Variants in PARD3B observed in about 807,000 individuals in gnomAD.
PARD3B encodes partitioning defective 3 homolog B.
PARD3B carries 103 observed loss-of-function variants against 130.2 expected under a neutral mutation model. The ratio of observed to expected loss-of-function variants is 0.79; its 90% CI spans 0.67 to 0.93. The LOEUF is 0.93. Ranked by LOEUF, PARD3B falls within the 40% of genes least tolerant of loss-of-function variation. PARD3B has a pLI of 0.00. For synonymous variants in PARD3B, 583 were observed against 553.2 expected (o/e 1.05, Z -0.76); for missense variants, 1,609 against 1,499.2 (o/e 1.07, Z -1.21).
intron 3 of PARD3B, among the ~76,000 whole-genome samples, chr2:204,992,829 T>A (rs1402872846): frequency 7.0e-6 from 1 of 143,620 alleles, no homozygotes; most frequent in Admixed American, 7.1e-5. Context: ...TATTTTATTC[T>A]CTTTGAAGCA....
At chr2:205,061,302 A>G (rs1239420969) in intron 4 of PARD3B, among the ~76,000 whole-genome samples, 3 of 152,120 alleles carry the variant, frequency 2.0e-5, no homozygotes, top group Non-Finnish European at 2.9e-5. Context: ...GAACCATGAG[A>G]TGTGGAAGGC....
intron 18 of PARD3B, among the ~76,000 whole-genome samples, chr2:205,359,554 T>C (rs1019066692): frequency 6.6e-6 from 1 of 152,220 alleles, no homozygotes; most frequent in Non-Finnish European, 1.5e-5. Context: ...TCCCCTTTAA[T>C]CCTTAATCTA....
chr2:205,524,044 ATATTGATGAAGGAG>A (rs2051221887), intron 21 of PARD3B, among the ~76,000 whole-genome samples: 1 of 151,932 alleles, frequency 6.6e-6, no homozygotes, highest in African/African-American at 2.4e-5. Flanking sequence ...TAGGTTTTTA[ATATTGATGAAGGAG>A]AAATCTGAGG....
At chr2:205,537,719 C>G (rs745422996) in intron 21 of PARD3B, among the ~76,000 whole-genome samples, 1 of 152,314 alleles carries the variant, frequency 6.6e-6, no homozygotes, top group African/African-American at 2.4e-5. Context: ...CTGTCATTCT[C>G]TCCTCATCCA....
intron 3 of PARD3B, among the ~76,000 whole-genome samples, chr2:204,992,204 G>A (rs1575499771): frequency 1.4e-5 from 2 of 146,340 alleles, no homozygotes; most frequent in Non-Finnish European, 3.0e-5. Flanking sequence ...GGTTTTTATG[G>A]TTTTAGGTCT....
intron 10 of PARD3B, among the ~76,000 whole-genome samples, chr2:205,133,077 A>G (rs1034279517): frequency 6.6e-6 from 1 of 152,268 alleles, no homozygotes; most frequent in East Asian, 1.9e-4. Context: ...AAAAAAATAT[A>G]TGCAGGGATT....
At chr2:205,302,489 A>G (rs1373357850) in intron 18 of PARD3B, among the ~76,000 whole-genome samples, 1 of 152,202 alleles carries the variant, frequency 6.6e-6, no homozygotes, top group African/African-American at 2.4e-5. Context: ...TGATTACACC[A>G]TAAAAGAAAG....
At position 204,923,877 on chromosome 2, in the gene PARD3B, T is replaced by A. The variant is rs185602804; in HGVS notation, c.223-41275T>A. 3.9e-5 allele frequency among the ~76,000 whole-genome samples: 6 copies of A among 152,194 alleles called. No homozygotes were observed. The East Asian group carries it at 1.2e-3, about 29-fold the overall frequency. On this transcript the variant is annotated intron_variant, in intron 2 of 22. Transcript: ENST00000406610. ...AAATTATAGTCAATTTCAGTTGCAG[T>A]ATGTTAAATTGGAAGTCAAATTTTA...
rs578191644 is a variant in PARD3B at position 204,879,922 on chromosome 2, C to G, written c.223-85230C>G. 3.9e-5 allele frequency among the ~76,000 whole-genome samples: 6 copies of G among 152,298 alleles called. No homozygotes were observed. In the South Asian group the frequency reaches 1.0e-3, roughly 26 times the overall value. On this transcript the variant is annotated intron_variant, in intron 2 of 22. Coordinates refer to ENST00000406610, the MANE Select transcript of PARD3B (RefSeq NM_001302769.2). Reference sequence around the variant, plus strand: ...CAGAAGTCAAGTGCCAGAGACCAGTCAGATTGAAATAGACTCTAACTGATG... The same window carrying G: ...CAGAAGTCAAGTGCCAGAGACCAGTGAGATTGAAATAGACTCTAACTGATG...
chr2:204,897,640 T>A (rs2046689756), intron 2 of PARD3B, among the ~76,000 whole-genome samples: 1 of 152,070 alleles, frequency 6.6e-6, no homozygotes, highest in South Asian at 2.1e-4. Context: ...AGTGATACAG[T>A]CAAGATACAG....
intron 1 of PARD3B, among the ~76,000 whole-genome samples, chr2:204,680,192 C>G (rs1342976522): frequency 6.6e-6 from 1 of 151,944 alleles, no homozygotes; most frequent in Non-Finnish European, 1.5e-5. Context: ...GTCATCTGAG[C>G]TTGGAATTTT....
chr2:204,847,539 T>C (rs1339850127), intron 2 of PARD3B, among the ~76,000 whole-genome samples: 1 of 152,156 alleles, frequency 6.6e-6, no homozygotes, highest in East Asian at 1.9e-4. Flanking sequence ...TTCATATGTT[T>C]CAAGTTGCAT....
Position 205,235,505 on chromosome 2 carries a change from C to T in PARD3B, c.2141-10273C>T, listed in dbSNP as rs115676166. ...TATGCCCCAGGACCCCCAGTGGATG[C>T]CTGAAACTGAGTATAGTTCTGAACC... On this transcript the variant is annotated intron_variant, in intron 15 of 22. Transcript: ENST00000406610. Among the ~76,000 whole-genome samples, 1,067 of 152,172 alleles carry T rather than the reference C, an allele frequency of 7.0e-3. 15 individuals carry two copies. The highest frequency in any genetic ancestry group is 0.024 in the African/African-American group (1,011 of 41,510).
At chr2:204,960,907 G>T (rs1296763116) in intron 2 of PARD3B, among the ~76,000 whole-genome samples, 1 of 152,204 alleles carries the variant, frequency 6.6e-6, no homozygotes, top group African/African-American at 2.4e-5. Flanking sequence ...CCAGAGAAAG[G>T]CTGGCATTTG....
chr2:205,567,497 T>TTTTTG (rs1415659508), intron 22 of PARD3B, among the ~76,000 whole-genome samples: 6 of 140,274 alleles, frequency 4.3e-5, no homozygotes, highest in South Asian at 2.3e-4. Flanking sequence ...TTTTTTTTTG[T>TTTTTG]ATTTTTAGTG....
In PARD3B at chr2:205,563,687, G is replaced by A. The variant is rs974899691; in HGVS notation, c.3260+10284G>A. 6.6e-6 allele frequency among the ~76,000 whole-genome samples: 1 copy of A among 151,912 alleles called. No individual in the cohort carries two copies. The highest frequency in any genetic ancestry group is 1.5e-5 in the Non-Finnish European group (1 of 67,984). On this transcript the variant is annotated intron_variant, in intron 22 of 22. Transcript: ENST00000406610. This position sits in a 1 kb window ranked among gnomAD's most constrained non-coding sequence, Gnocchi z 4.2. ...AGTAATAAAATACAAGAAAATAGTA[G>A]GGAATTTATGGGAAATAAAGAAAAA...
intron 2 of PARD3B, among the ~76,000 whole-genome samples, chr2:204,757,690 G>A (rs866126032): frequency 2.0e-5 from 3 of 152,034 alleles, no homozygotes; most frequent in Non-Finnish European, 2.9e-5. Context: ...TGAAACTAGC[G>A]ATTTTAAAAC....
intron 13 of PARD3B, among the ~76,000 whole-genome samples, chr2:205,177,955 T>A (rs1335198806): frequency 6.6e-6 from 1 of 151,864 alleles, no homozygotes; most frequent in African/African-American, 2.4e-5. Flanking sequence ...TGGGTCTGAC[T>A]TATATTGGTC....
rs538172605 is a variant in PARD3B, at chr2:204,641,460, C to A, written c.121-44721C>A. On this transcript the variant is annotated intron_variant, in intron 1 of 22. Transcript: ENST00000406610. ...AAGTACTTGGTCTTTTTTTTTTAATCCTGCTTTTTGCAAAACTTTTGCACC... is the reference window on the plus strand; with the variant it reads ...AAGTACTTGGTCTTTTTTTTTTAATACTGCTTTTTGCAAAACTTTTGCACC... Among the ~76,000 whole-genome samples the A allele has an allele frequency of 5.3e-5, 8 of 150,806 alleles. No homozygotes were observed. The East Asian group carries it at 1.4e-3, about 26-fold the overall frequency.
Sources: allele counts gnomAD v4.1 joint callset (sites outside exome capture counted in the v4.1 genomes callset), GRCh38; gene constraint gnomAD v4.1.1; non-coding constraint Gnocchi (gnomAD v3.1); transcripts MANE v1.5; gene names NCBI Gene and HGNC (gene_info 2026-07-23, HGNC 2026-07-21).